SYTL2: variants seen among roughly 807,000 people sequenced by gnomAD.
SYTL2 encodes synaptotagmin-like protein 2.
A neutral mutation model predicts 198.7 loss-of-function variants in SYTL2; 165 were observed. The ratio of observed to expected loss-of-function variants is 0.83; its 90% CI spans 0.73 to 0.94. The LOEUF is 0.94. Among genes scored for constraint, SYTL2 ranks in the 40% least tolerant of loss-of-function variants. The probability of loss-of-function intolerance (pLI) is 0.00; values close to 1 mark genes in which losing one functional copy is unlikely to be tolerated. For synonymous variants in SYTL2, 966 were observed against 917.7 expected (o/e 1.05, Z -0.95); for missense variants, 2,835 against 2,582.8 (o/e 1.10, Z -2.12).
chr11:85,830,969 C>T, the SYTL2 span, among the ~76,000 whole-genome samples: 1 of 152,190 alleles, frequency 6.6e-6, no homozygotes, highest in Non-Finnish European at 1.5e-5. Context: ...AATTCTTCGC[C>T]AGATTCATGG....
At chr11:85,714,556 A>T in intron 11 of SYTL2, 49 bp from the exon 12 acceptor site, 1 of 1,584,122 alleles carries the variant, frequency 6.3e-7, no homozygotes, top group Non-Finnish European at 8.6e-7. Context: ...ATTGTCAGAA[A>T]ACATTAGACA....
At chr11:85,711,404 C>T (rs984753802) in intron 12 of SYTL2, among the ~76,000 whole-genome samples, 172 bp from the exon 13 acceptor site, 5 of 152,166 alleles carry the variant, frequency 3.3e-5, no homozygotes, top group Non-Finnish European at 7.4e-5. Flanking sequence ...GGTGGTCTGC[C>T]TTGACCTCAC....
chr11:85,718,866 T>C (rs770420846), intron 9 of SYTL2, 23 bp from the exon 10 acceptor site: 5 of 1,612,068 alleles, frequency 3.1e-6, no homozygotes, highest in Admixed American at 1.7e-5. Flanking sequence ...AATTAACAAA[T>C]GGTTAACATG....
intron 5 of SYTL2, 131 bp from the exon 6 acceptor site, chr11:85,736,746 C>G: frequency 1.6e-6 from 1 of 630,644 alleles, no homozygotes; most frequent in Non-Finnish European, 2.8e-6. Context: ...GTTTGAAAAA[C>G]AGTTGTCCTG....
rs750087093 is a variant in SYTL2, at chr11:85,724,061, G to A, written c.5297C>T (p.Ser1766Phe). ...AGGATTTCTCCAGCTCTCTGCATTA[G>A]AACTGGTGTTTCCATCTGAAAAATC... ...ESDFSDGNTS[S>F]NAESWRNPSS... The change falls in exon 8 of 20, where the codon TCT (serine) becomes TTT (phenylalanine). Residue 1766 changes from serine to phenylalanine, a missense_variant. Ser to Phe is a radical substitution (Grantham distance 155, BLOSUM62 -2). Around this residue, in one of 3 missense-constraint regions of SYTL2, gnomAD observed 2,645 missense variants for 2,381.7 expected, o/e 1.11. Coordinates refer to ENST00000359152, the MANE Select transcript of SYTL2 (RefSeq NM_206927.4). 2.6e-6 allele frequency: 4 copies of A among 1,543,246 alleles called. No homozygotes were observed. Among genetic ancestry groups the A allele is most frequent in the African/African-American group, 1.4e-5 (1 of 71,882 alleles).
At chr11:85,719,189 T>C (rs1233947144) in intron 9 of SYTL2, 3 of 1,269,944 alleles carry the variant, frequency 2.4e-6, no homozygotes, top group Non-Finnish European at 2.0e-6. Flanking sequence ...ATGCTAGCCA[T>C]GACTAACACC....
At chr11:85,713,068 A>G (rs2086597789) in intron 12 of SYTL2, among the ~76,000 whole-genome samples, 1 of 152,158 alleles carries the variant, frequency 6.6e-6, no homozygotes, top group Non-Finnish European at 1.5e-5. Flanking sequence ...GTTGGCTTCT[A>G]GCTAATGAAT....
At chr11:85,779,610 A>G (rs1244258410) in intron 1 of SYTL2, among the ~76,000 whole-genome samples, 1 of 150,942 alleles carries the variant, frequency 6.6e-6, no homozygotes, top group Non-Finnish European at 1.5e-5. Flanking sequence ...AGCTATAAAC[A>G]TATGGAACAG....
intron 7 of SYTL2, among the ~76,000 whole-genome samples, chr11:85,733,281 A>G (rs1428064217): frequency 6.6e-6 from 1 of 152,230 alleles, no homozygotes. Context: ...TTTACCCTGT[A>G]CAAAGGTATT....
At chr11:85,781,088 T>C (rs1171367381) in intron 1 of SYTL2, among the ~76,000 whole-genome samples, 1 of 152,248 alleles carries the variant, frequency 6.6e-6, no homozygotes, top group Non-Finnish European at 1.5e-5. Context: ...ATGCTGCTAA[T>C]GAAGACATAC....
intron 2 of SYTL2, among the ~76,000 whole-genome samples, chr11:85,755,086 A>G (rs1317433806): frequency 6.6e-6 from 1 of 152,218 alleles, no homozygotes; most frequent in Non-Finnish European, 1.5e-5. Context: ...ACAAACAGCA[A>G]TGGAATGGAA....
chr11:85,850,752 A>G, the SYTL2 span, among the ~76,000 whole-genome samples: 258 of 151,154 alleles, frequency 1.7e-3, 1 homozygote, highest in Non-Finnish European at 2.8e-3. Flanking sequence ...CATTATTCAC[A>G]ATAGCAAAGA....
the SYTL2 span, among the ~76,000 whole-genome samples, chr11:85,818,654 T>TTTC: frequency 8.1e-6 from 1 of 123,594 alleles, no homozygotes; most frequent in Non-Finnish European, 1.7e-5. Flanking sequence ...AATGTATAAA[T>TTTC]TACTATCTAT....
the SYTL2 span, among the ~76,000 whole-genome samples, chr11:85,833,141 AGG>A: frequency 1.0e-4 from 13 of 127,934 alleles, 2 homozygotes; most frequent in South Asian, 2.4e-4. Context: ...GAAGGAAGGA[AGG>A]AAGGAAGGAA....
At position 85,724,288 on chromosome 11, in the gene SYTL2, C is replaced by T. The variant is rs750752063; in HGVS notation, c.5070G>A (p.Gly1690=). The T allele has an allele frequency of 6.4e-7, 1 of 1,562,830 alleles. No homozygotes were observed. The highest frequency in any genetic ancestry group is 1.2e-5 in the South Asian group (1 of 80,636). The change falls in exon 8 of 20, where the codon GGG becomes GGA. Residue 1690 remains glycine (G), a synonymous_variant. Transcript: ENST00000359152. The stretch of plus-strand genomic sequence containing the variant: ...GAAGAGTCCCTTGTCCCCCTGCAAC[C>T]CCACTTTCACTGTCCCTGTCCTCTG... ...TPPEDRDSES[G]VAGGQGTLQE...
intron 1 of SYTL2, among the ~76,000 whole-genome samples, chr11:85,806,697 G>A (rs2092962866): frequency 6.6e-6 from 1 of 152,212 alleles, no homozygotes; most frequent in Non-Finnish European, 1.5e-5. Flanking sequence ...TGAAGCAACA[G>A]AAAGTAGAAA....
At chr11:85,780,274 T>G (rs1371914643) in intron 1 of SYTL2, among the ~76,000 whole-genome samples, 1 of 152,242 alleles carries the variant, frequency 6.6e-6, no homozygotes, top group South Asian at 2.1e-4. Flanking sequence ...TGTGATATTG[T>G]GAAATATCTT....
chr11:85,773,319 GAC>G (rs2092393230), intron 1 of SYTL2, among the ~76,000 whole-genome samples: 1 of 152,116 alleles, frequency 6.6e-6, no homozygotes, highest in Admixed American at 6.5e-5. Flanking sequence ...CATTTCTCCC[GAC>G]ACAGTACCTT....
rs181475679 is a variant in SYTL2 at position 85,783,830 on chromosome 11, C to T, written c.-389-25716G>A. 6.6e-5 allele frequency among the ~76,000 whole-genome samples: 10 copies of T among 152,322 alleles called. No homozygotes were observed. The East Asian group carries it at 1.9e-3, about 29-fold the overall frequency. On this transcript the variant is annotated intron_variant, in intron 1 of 19. Transcript: ENST00000359152. The stretch of plus-strand genomic sequence containing the variant: ...TCTTGGACAGAAGTGTCACAAAGCA[C>T]AGAATCATTCTCCAGGTGGCTTGGG...
Sources: gnomAD v4.1 joint callset for allele counts (sites outside exome capture counted in the v4.1 genomes callset) on GRCh38, gnomAD v4.1.1 for gene constraint, gnomAD v4.1.1 regional missense constraint, MANE v1.5 for transcripts, NCBI Gene and HGNC (gene_info 2026-07-23, HGNC 2026-07-21) for gene names.